The following PCARE variants were observed in gnomAD, a reference collection of about 807,000 sequenced individuals.
The protein encoded by PCARE is uncharacterized protein C2orf71.
Under a neutral mutation model 82.2 loss-of-function variants are expected in PCARE, and 72 were observed. That is an observed-to-expected ratio of 0.88 (90% CI 0.72 to 1.07). PCARE has a LOEUF of 1.07. Among genes scored for constraint, PCARE ranks in the 50% least tolerant of loss-of-function variants. PCARE has a pLI of 0.00. For missense variants in PCARE, 1,768 were observed against 1,592.4 expected (o/e 1.11, Z -1.88); for synonymous variants, 705 against 634.8 (o/e 1.11, Z -1.66).
chr2:29,069,803 TC>T lies in PCARE; in HGVS notation c.3668+790del, dbSNP rs565784753. Among the ~76,000 whole-genome samples, 290 of 152,328 alleles carry T rather than the reference TC, an allele frequency of 1.9e-3. 3 individuals are homozygous for T. The highest frequency in any genetic ancestry group is 6.5e-3 in the African/African-American group (271 of 41,578). ...TTTTACATATTTCTCAGTTTTAACT[TC>T]CAATACAGTAAACATTGATAGATAT... On this transcript the variant is annotated intron_variant, in intron 1 of 1. Transcript: ENST00000331664.
rs558258671 is a variant in PCARE, at chr2:29,065,141, C to T, written c.3669-74G>A. On this transcript the variant is annotated intron_variant, in intron 1 of 1. Transcript: ENST00000331664. The stretch of plus-strand genomic sequence containing the variant: ...TCCTTCCTGCCCCACCCCTGTCCTC[C>T]ATTCTCCCTTTCTGTCCCTCCCCAG... 3 of 1,483,378 alleles carry T rather than the reference C, an allele frequency of 2.0e-6. No homozygotes were observed. In the Admixed American group the frequency reaches 5.9e-5, roughly 29 times the overall value. The allele number at this position is 1,483,378 out of a possible 1,614,324, so 91.9% of individuals were successfully genotyped here. A position where few individuals can be genotyped will look rare whatever the true frequency, so the allele number is the denominator to read the frequency against.
rs971972997 is a variant in PCARE, at chr2:29,063,876, G to A, written c.*993C>T. The A allele has an allele frequency of 2.6e-5, 4 of 152,612 alleles. No individual in the cohort carries two copies. Among genetic ancestry groups the A allele is most frequent in the East Asian group, 1.9e-4 (1 of 5,202 alleles). The allele number at this position is 152,612 out of a possible 1,614,324, so 9.5% of individuals were successfully genotyped here. A position where few individuals can be genotyped will look rare whatever the true frequency, so the allele number is the denominator to read the frequency against. The stretch of plus-strand genomic sequence containing the variant: ...GAATAAAGTTGGCCAAGAAGCCTCC[G>A]AGGGGAGATCGGCGTGTGAGTACGT... On this transcript the variant is annotated 3_prime_UTR_variant, in exon 2 of 2. Coordinates refer to ENST00000331664, the MANE Select transcript of PCARE (RefSeq NM_001029883.3).
rs1424518450 is a variant in PCARE, at chr2:29,064,752, C to T, written c.*117G>A. ...TGGGCAGTGCACCTTCCAGGCCTTT[C>T]CAGGACACCTCAGTAGGAGTTTGGT... On this transcript the variant is annotated 3_prime_UTR_variant, in exon 2 of 2. Coordinates refer to ENST00000331664, the MANE Select transcript of PCARE (RefSeq NM_001029883.3). 7 of 1,398,784 alleles carry T rather than the reference C, an allele frequency of 5.0e-6. No homozygotes were observed. Among genetic ancestry groups the T allele is most frequent in the Non-Finnish European group, 5.9e-6 (6 of 1,014,694 alleles). 86.6% of individuals were successfully genotyped at this position (1,398,784 alleles called of 1,614,324 possible). A position where few individuals can be genotyped will look rare whatever the true frequency, so the allele number is the denominator to read the frequency against.
chr2:29,072,305 C>T lies in PCARE; in HGVS notation c.1957G>A (p.Gly653Ser). The T allele has an allele frequency of 6.2e-7, 1 of 1,614,188 alleles. No individual in the cohort carries two copies. The highest frequency in any genetic ancestry group is 1.7e-5 in the Admixed American group (1 of 60,036). The change falls in exon 1 of 2, where the codon GGC becomes AGC. Residue 653 changes from glycine to serine, a missense_variant. By Grantham distance (56) the Gly-to-Ser change is moderately conservative. Coordinates refer to ENST00000331664, the MANE Select transcript of PCARE (RefSeq NM_001029883.3). ...TTGCTTGGACTGACCCTGCAGGTGCCATTGGGCCACACGGCGGCTGCTCTG... is the reference window on the plus strand; with the variant it reads ...TTGCTTGGACTGACCCTGCAGGTGCTATTGGGCCACACGGCGGCTGCTCTG... The part of the protein sequence containing the change: ...QPRAAAVWPN[G>S]TCRVSPSNTT...
Position 29,073,014 on chromosome 2 carries a change from C to T in PCARE, c.1248G>A (p.Gly416=). 6.2e-7 allele frequency: 1 copy of T among 1,614,120 alleles called. No individual in the cohort carries two copies. The highest frequency in any genetic ancestry group is 8.5e-7 in the Non-Finnish European group (1 of 1,180,028). Residue 416 remains glycine (G), a synonymous_variant, in exon 1 of 2, where the codon GGG becomes GGA. Transcript: ENST00000331664. ...GTGGCTGAACCTTTGCCATAGGAGC[C>T]CCTGAGAGCAGGCAGTCCTGGGGTC... is the stretch of plus-strand genomic sequence containing the variant. ...SGRPQDCLLS[G]APMAKVQPRA...
At position 29,072,699 on chromosome 2, in the gene PCARE, C is replaced by T. The variant is rs1667512669; in HGVS notation, c.1563G>A (p.Arg521=). The change falls in exon 1 of 2, where the codon CGG becomes CGA. Residue 521 remains arginine (R), a synonymous_variant. Transcript: ENST00000331664. Reference sequence around the variant, plus strand: ...TGGTGCGGGCCTGAAATGGGCTTTCCCGGTCAGCAGGTGAAGATTGTGGCC... The same window carrying T: ...TGGTGCGGGCCTGAAATGGGCTTTCTCGGTCAGCAGGTGAAGATTGTGGCC... ...HSRPQSSPAD[R]ESPFQARTRR... 6.2e-7 allele frequency: 1 copy of T among 1,614,056 alleles called. No individual in the cohort carries two copies. Among genetic ancestry groups the T allele is most frequent in the Non-Finnish European group, 8.5e-7 (1 of 1,180,028 alleles).
chr2:29,065,124 G>C, intron 1 of PCARE, 57 bp from the exon 2 acceptor site: 1 of 1,516,168 alleles, frequency 6.6e-7, no homozygotes, highest in Non-Finnish European at 8.9e-7. Flanking sequence ...GCTCCTTCCT[G>C]CCCCACCCCT....
In PCARE at chr2:29,064,032, G is replaced by A. The variant is rs1481153697; in HGVS notation, c.*837C>T. The A allele has an allele frequency of 6.5e-6, 1 of 153,676 alleles. No individual in the cohort carries two copies. Among genetic ancestry groups the A allele is most frequent in the Non-Finnish European group, 1.5e-5 (1 of 68,106 alleles). 9.5% of individuals were successfully genotyped at this position (153,676 alleles called of 1,614,324 possible). A position where few individuals can be genotyped will look rare whatever the true frequency, so the allele number is the denominator to read the frequency against. On this transcript the variant is annotated 3_prime_UTR_variant, in exon 2 of 2. Coordinates refer to ENST00000331664, the MANE Select transcript of PCARE (RefSeq NM_001029883.3). ...AATGCGTAGGGCAGTGAGAGCATTT[G>A]CTACATGCTTAGGCCGAGAGGCAGC...
intron 1 of PCARE, among the ~76,000 whole-genome samples, chr2:29,067,175 T>TG (rs1667402296): frequency 6.6e-6 from 1 of 152,206 alleles, no homozygotes; most frequent in Admixed American, 6.5e-5. Context: ...TGTCCGTGCT[T>TG]GGGGAAACAG....
In PCARE at chr2:29,073,522, A is replaced by T. The variant is rs77828062; in HGVS notation, c.740T>A (p.Val247Asp). The change falls in exon 1 of 2, where the codon GTC becomes GAC. Residue 247 changes from valine to aspartate, a missense_variant. Transcript: ENST00000331664. ...CAAAGGCCAAGCCAGATCCTCCCTG[A>T]CTTCCTGCAGGAGCACTTCTCCATC... is the stretch of plus-strand genomic sequence containing the variant. ...SKDGEVLLQEVREDLAWPLKK... is the reference protein window; with the variant it reads ...SKDGEVLLQEDREDLAWPLKK... 22 of 1,614,142 alleles carry T rather than the reference A, an allele frequency of 1.4e-5. No homozygotes were observed. The Admixed American group carries it at 2.3e-4, about 17-fold the overall frequency.
Position 29,073,721 on chromosome 2 carries a change from C to T in PCARE, c.541G>A (p.Val181Ile), listed in dbSNP as rs1667537699. The T allele has an allele frequency of 6.2e-7, 1 of 1,614,190 alleles. No homozygotes were observed. Among genetic ancestry groups the T allele is most frequent in the African/African-American group, 1.3e-5 (1 of 75,038 alleles). ...EGKVDFPEPLVKAHQQAYTYL... is the reference protein window; with the variant it reads ...EGKVDFPEPLIKAHQQAYTYL... ...GTGTAAGCCTGCTGGTGGGCCTTTA[C>T]CAGAGGCTCCGGGAAGTCCACTTTG... Residue 181 changes from valine (V) to isoleucine (I), a missense_variant, in exon 1 of 2, where the codon GTA becomes ATA. Val to Ile is a conservative substitution (Grantham distance 29). Transcript: ENST00000331664.
At position 29,072,059 on chromosome 2, in the gene PCARE, T is replaced by G; in HGVS notation, c.2203A>C (p.Ile735Leu). 1 of 1,614,236 alleles carries G rather than the reference T, an allele frequency of 6.2e-7. No individual in the cohort carries two copies. The highest frequency in any genetic ancestry group is 8.5e-7 in the Non-Finnish European group (1 of 1,180,042). Residue 735 changes from isoleucine to leucine, a missense_variant, in exon 1 of 2, where the codon ATT becomes CTT. Ile to Leu is a conservative substitution (Grantham distance 5). Transcript: ENST00000331664. ...CPTRTSVKKL[I>L]ETFSPTESLR... ...CTCTCCGTGGGACTGAAAGTTTCAA[T>G]AAGCTTCTTGACGGATGTTCTGGTG...
chr2:29,070,654 G>A lies in PCARE; in HGVS notation c.3608C>T (p.Pro1203Leu), dbSNP rs757774860. 2.2e-5 allele frequency: 35 copies of A among 1,614,002 alleles called. No homozygotes were observed. The highest frequency in any genetic ancestry group is 4.5e-5 in the East Asian group (2 of 44,884). Residue 1203 changes from proline (P) to leucine (L), a missense_variant, in exon 1 of 2, where the codon CCG becomes CTG. Transcript: ENST00000331664. Reference sequence around the variant, plus strand: ...GGTGGGGTCCAAGGTGGGAGGCTGCGGTCGGCCACCTGGCTGGCGGTCAGA... The same window carrying A: ...GGTGGGGTCCAAGGTGGGAGGCTGCAGTCGGCCACCTGGCTGGCGGTCAGA... Reference protein sequence around the residue: ...TASDRQPGGRPQPPTLDPTST... With the variant: ...TASDRQPGGRLQPPTLDPTST...
At chr2:29,069,970 T>C (rs949443895) in intron 1 of PCARE, among the ~76,000 whole-genome samples, 1 of 152,184 alleles carries the variant, frequency 6.6e-6, no homozygotes, top group Non-Finnish European at 1.5e-5. Flanking sequence ...GCCAGGCTGC[T>C]GGTTTGAGAC....
At chr2:29,070,165 T>C (rs993375707) in intron 1 of PCARE, among the ~76,000 whole-genome samples, 3 of 152,202 alleles carry the variant, frequency 2.0e-5, no homozygotes, top group Non-Finnish European at 4.4e-5. Context: ...GTTTGTTACA[T>C]AGATATATTT....
rs1667458623 is a variant in PCARE, at chr2:29,070,721, G to GAGCTGC, written c.3535_3540dup (p.Ala1179_Ala1180dup). 5 of 1,614,048 alleles carry GAGCTGC rather than the reference G, an allele frequency of 3.1e-6. No homozygotes were observed. The Admixed American group carries it at 8.3e-5, about 27-fold the overall frequency. ...AAAGGCAGAGGGTTGAGGGCACACA[G>GAGCTGC]AGCTGCTCTCCGCTGCGAGTCTGCT... On this transcript the variant is annotated inframe_insertion, in exon 1 of 2. Coordinates refer to ENST00000331664, the MANE Select transcript of PCARE (RefSeq NM_001029883.3).
rs10187620 is a variant in PCARE, at chr2:29,062,115, T to G, written c.*2754A>C. The G allele has an allele frequency of 6.6e-6, 1 of 152,032 alleles. No individual in the cohort carries two copies. Among genetic ancestry groups the G allele is most frequent in the African/African-American group, 2.4e-5 (1 of 41,372 alleles). The allele number at this position is 152,032 out of a possible 1,614,324, so 9.4% of individuals were successfully genotyped here. Reference sequence around the variant, plus strand: ...CAGCACTGCTTCACCTTTGACCTAATTGACCCCCAGCCCCCAGCACCTTGG... The same window carrying G: ...CAGCACTGCTTCACCTTTGACCTAAGTGACCCCCAGCCCCCAGCACCTTGG... On this transcript the variant is annotated 3_prime_UTR_variant, in exon 2 of 2. Transcript: ENST00000331664.
chr2:29,074,173 G>C lies in PCARE; in HGVS notation c.89C>G (p.Pro30Arg). 1.2e-6 allele frequency: 2 copies of C among 1,609,006 alleles called. No homozygotes were observed. Among genetic ancestry groups the C allele is most frequent in the Non-Finnish European group, 1.7e-6 (2 of 1,176,904 alleles). ...QFLKKPKAIR[P>R]GCQGGSERGS... The stretch of plus-strand genomic sequence containing the variant: ...TCTTTCACTTCCGCCCTGACATCCT[G>C]GCCGAATTGCTTTGGGCTTTTTCAA... The change falls in exon 1 of 2, where the codon CCA becomes CGA. Residue 30 changes from proline (P) to arginine (R), a missense_variant. Transcript: ENST00000331664.
intron 1 of PCARE, among the ~76,000 whole-genome samples, chr2:29,070,086 T>C (rs1280952943): frequency 2.0e-5 from 3 of 149,976 alleles, no homozygotes; most frequent in Non-Finnish European, 4.4e-5. Context: ...TTTTGAACTT[T>C]ACTATTTTAT....
Sources: allele counts gnomAD v4.1 joint callset (sites outside exome capture counted in the v4.1 genomes callset), GRCh38; gene constraint gnomAD v4.1.1; transcripts MANE v1.5; gene names NCBI Gene and HGNC (gene_info 2026-07-23, HGNC 2026-07-21).